The following P3H2 variants were observed in gnomAD, a reference collection of about 807,000 sequenced individuals.
P3H2 encodes the protein prolyl 3-hydroxylase 2, also known as leprecan-like 1.
P3H2 carries 80 observed loss-of-function variants against 87.0 expected under a neutral mutation model. The ratio of observed to expected loss-of-function variants is 0.92; its 90% CI spans 0.77 to 1.11. P3H2 has a LOEUF of 1.11. Among genes scored for constraint, P3H2 ranks in the 50% least tolerant of loss-of-function variants. The probability of loss-of-function intolerance (pLI) is 0.00; values close to 1 mark genes in which losing one functional copy is unlikely to be tolerated. For missense variants in P3H2, 1,001 were observed against 923.9 expected (o/e 1.08, Z -1.08); for synonymous variants, 367 against 359.3 (o/e 1.02, Z -0.24).
intron 1 of P3H2, among the ~76,000 whole-genome samples, chr3:190,015,407 T>C (rs1407567004): frequency 6.6e-6 from 1 of 152,182 alleles, no homozygotes; most frequent in African/African-American, 2.4e-5. Flanking sequence ...AAAAGCATGC[T>C]TCAGTGTATA....
At chr3:190,040,537 T>C (rs1349328681) in intron 1 of P3H2, among the ~76,000 whole-genome samples, 1 of 152,208 alleles carries the variant, frequency 6.6e-6, no homozygotes, top group African/African-American at 2.4e-5. Flanking sequence ...AAAATGTTCA[T>C]ATTCATCACC....
chr3:190,009,746 T>C (rs1724529731), intron 1 of P3H2, among the ~76,000 whole-genome samples: 1 of 152,340 alleles, frequency 6.6e-6, no homozygotes, highest in Non-Finnish European at 1.5e-5. Context: ...GGTTTTATTA[T>C]GAAATAATAT....
rs770628547 is a variant in P3H2, at chr3:189,962,161, CTT to C, written c.2034+1795_2034+1796del. On this transcript the variant is annotated intron_variant, in intron 14 of 14. Coordinates refer to ENST00000319332, the MANE Select transcript of P3H2 (RefSeq NM_018192.4). ...GCCTTTCTTTCTTTTTCTTCTTCTT[CTT>C]TTTTTTTTTTTTTTTTTTTTTTAAG... Among the ~76,000 whole-genome samples, 815 of 87,552 alleles carry C rather than the reference CTT, an allele frequency of 9.3e-3. 8 individuals carry two copies. The highest frequency in any genetic ancestry group is 0.021 in the African/African-American group (446 of 21,172). 57.4% of individuals were successfully genotyped at this position (87,552 alleles called of 152,430 possible). A position where few individuals can be genotyped will look rare whatever the true frequency, so the allele number is the denominator to read the frequency against.
At chr3:189,973,308 C>T in intron 10 of P3H2, 1 of 344,310 alleles carries the variant, frequency 2.9e-6, no homozygotes. Flanking sequence ...AGAATAATTA[C>T]TTGTTTGAAT....
At chr3:189,960,859 A>G (rs1238584091) in intron 14 of P3H2, among the ~76,000 whole-genome samples, 1 of 152,236 alleles carries the variant, frequency 6.6e-6, no homozygotes, top group East Asian at 1.9e-4. Context: ...AAAGGACTAG[A>G]TATACTAAAT....
intron 13 of P3H2, among the ~76,000 whole-genome samples, chr3:189,964,884 A>G (rs77209545): frequency 6.6e-6 from 1 of 152,258 alleles, no homozygotes; most frequent in East Asian, 1.9e-4. Context: ...TCACTGAGCC[A>G]GGGTAGAAGA....
At chr3:189,961,823 A>G (rs140331881) in intron 14 of P3H2, among the ~76,000 whole-genome samples, 171 of 152,372 alleles carry the variant, frequency 1.1e-3, no homozygotes, top group African/African-American at 3.9e-3. Flanking sequence ...ACAAAGGAGC[A>G]AAGAGAACTT....
intron 1 of P3H2, among the ~76,000 whole-genome samples, chr3:190,039,658 C>G (rs1207263466): frequency 6.6e-6 from 1 of 152,190 alleles, no homozygotes; most frequent in Non-Finnish European, 1.5e-5. Flanking sequence ...TACCAAGGAG[C>G]ATAAAAGAAA....
chr3:190,022,952 G>A (rs990138929), intron 1 of P3H2, among the ~76,000 whole-genome samples: 3 of 151,826 alleles, frequency 2.0e-5, no homozygotes, highest in Non-Finnish European at 2.9e-5. Flanking sequence ...TCAGCCTCCC[G>A]AGTAGCTGGG....
chr3:189,964,016 T>A lies in P3H2; in HGVS notation c.1976A>T (p.Lys659Met), dbSNP rs1722897514. 5.0e-6 allele frequency: 8 copies of A among 1,614,180 alleles called. No individual in the cohort carries two copies. The highest frequency in any genetic ancestry group is 6.8e-6 in the Non-Finnish European group (8 of 1,179,996). The change falls in exon 14 of 15, where the codon AAG becomes ATG. Residue 659 changes from lysine to methionine, a missense_variant. Physicochemically the swap from Lys to Met is moderately conservative, Grantham distance 95. Coordinates refer to ENST00000319332, the MANE Select transcript of P3H2 (RefSeq NM_018192.4). ...CAGAGCCACAGCACACCTCTTTCCC[T>A]TGGTGACTGCCTTCACCCCATGAGG... ...ENPHGVKAVT[K>M]GKRCAVALWF...
At chr3:190,057,257 A>T (rs1166691181) in intron 1 of P3H2, among the ~76,000 whole-genome samples, 1 of 152,192 alleles carries the variant, frequency 6.6e-6, no homozygotes, top group East Asian at 1.9e-4. Flanking sequence ...TTAGAAATGC[A>T]AATCTCAAAC....
At chr3:190,079,335 T>C (rs1456407402) in intron 1 of P3H2, among the ~76,000 whole-genome samples, 1 of 138,192 alleles carries the variant, frequency 7.2e-6, no homozygotes, top group African/African-American at 2.7e-5. Flanking sequence ...CAAGACTCTG[T>C]CTCAAAAAAT....
chr3:189,966,109 GAAAGAAAGAAAGAAAAAGA>G (rs1560338917), intron 13 of P3H2, among the ~76,000 whole-genome samples: 29 of 80,212 alleles, frequency 3.6e-4, no homozygotes, highest in African/African-American at 1.1e-3. Context: ...AAAGAAAAAA[GAAAGAAAGAAAGAAAAAGA>G]AAGAAAGAAA....
In P3H2 at chr3:190,068,757, G is replaced by A. The variant is rs186628801; in HGVS notation, c.480+51495C>T. The stretch of plus-strand genomic sequence containing the variant: ...CTTAAAAGAGTTACCGATTTTTCTC[G>A]GTAAAATGACAGCTATTTGTTGATC... On this transcript the variant is annotated intron_variant, in intron 1 of 14. Coordinates refer to ENST00000319332, the MANE Select transcript of P3H2 (RefSeq NM_018192.4). Among the ~76,000 whole-genome samples the A allele has an allele frequency of 1.1e-4, 16 of 151,962 alleles. 1 individual carries two copies. Among genetic ancestry groups the A allele is most frequent in the African/African-American group, 3.4e-4 (14 of 41,470 alleles).
intron 13 of P3H2, among the ~76,000 whole-genome samples, chr3:189,967,900 CAT>C (rs555381507): frequency 1.2e-3 from 183 of 152,236 alleles, no homozygotes; most frequent in African/African-American, 4.1e-3. Flanking sequence ...TGATGAATAA[CAT>C]ATGTGTGTCA....
chr3:190,008,347 G>A (rs1428328933), intron 1 of P3H2, among the ~76,000 whole-genome samples: 1 of 151,902 alleles, frequency 6.6e-6, no homozygotes, highest in Non-Finnish European at 1.5e-5. Context: ...TCCAAAAGTC[G>A]GTGGCAGACA....
intron 1 of P3H2, among the ~76,000 whole-genome samples, chr3:190,051,690 C>A (rs1045332363): frequency 2.0e-5 from 3 of 152,164 alleles, no homozygotes; most frequent in Non-Finnish European, 4.4e-5. Flanking sequence ...TTTTTAAGAA[C>A]AAACATTACT....
At chr3:190,122,048 T>G (rs1231136523), upstream of P3H2, among the ~76,000 whole-genome samples, 3 of 135,730 alleles carry the variant, frequency 2.2e-5, 1 homozygote, top group African/African-American at 6.2e-5. Context: ...GCTGAGATCA[T>G]GCAGCCTGGG....
intron 13 of P3H2, among the ~76,000 whole-genome samples, chr3:189,966,983 T>C (rs1000795164): frequency 6.6e-6 from 1 of 152,164 alleles, no homozygotes; most frequent in Non-Finnish European, 1.5e-5. Context: ...GTTACTTCCT[T>C]ATGTGGCCTC....
Sources: allele counts gnomAD v4.1 joint callset (sites outside exome capture counted in the v4.1 genomes callset), GRCh38; gene constraint gnomAD v4.1.1; transcripts MANE v1.5; gene names NCBI Gene and HGNC (gene_info 2026-07-23, HGNC 2026-07-21).